The following WRN variants were observed in gnomAD, a reference collection of about 807,000 sequenced individuals.
WRN encodes WRN RecQ like helicase.
Under a neutral mutation model 180.7 loss-of-function variants are expected in WRN, and 149 were observed. The ratio of observed to expected loss-of-function variants is 0.82; its 90% CI spans 0.72 to 0.94. WRN has a LOEUF of 0.94. Ranked by LOEUF, WRN falls within the 40% of genes least tolerant of loss-of-function variation. The pLI, the probability that WRN is intolerant of heterozygous loss-of-function variation, is 0.00. For missense variants in WRN, 1,661 were observed against 1,700.1 expected (o/e 0.98, Z 0.40); for synonymous variants, 548 against 568.9 (o/e 0.96, Z 0.52).
At chr8:31,106,117 A>C (rs1019569540) in intron 18 of WRN, among the ~76,000 whole-genome samples, 1 of 152,014 alleles carries the variant, frequency 6.6e-6, no homozygotes, top group African/African-American at 2.4e-5. Flanking sequence ...AATTTTCCTC[A>C]ATCTTTTCTC....
At chr8:31,138,128 C>T (rs530443580) in intron 24 of WRN, among the ~76,000 whole-genome samples, 1 of 152,012 alleles carries the variant, frequency 6.6e-6, no homozygotes, top group Admixed American at 6.6e-5. Context: ...AACTAGTTAT[C>T]TGGAGGCCTG....
intron 1 of WRN, among the ~76,000 whole-genome samples, chr8:31,035,055 C>A (rs935458645): frequency 3.1e-4 from 47 of 152,070 alleles, no homozygotes; most frequent in African/African-American, 9.2e-4. Context: ...ATTTTATTTT[C>A]TTTTATTTTT....
At chr8:31,159,115 A>G (rs968278727) in intron 33 of WRN, among the ~76,000 whole-genome samples, 1 of 151,920 alleles carries the variant, frequency 6.6e-6, no homozygotes, top group African/African-American at 2.4e-5. Context: ...CCTGAGCAAC[A>G]TAGTGTGACC....
chr8:31,043,641 G>GA (rs1338079053), intron 1 of WRN, among the ~76,000 whole-genome samples: 1 of 151,986 alleles, frequency 6.6e-6, no homozygotes, highest in Non-Finnish European at 1.5e-5. Context: ...ACTCCAATTT[G>GA]AAAAAATATA....
chr8:31,101,596 G>C (rs1800860094), intron 18 of WRN, among the ~76,000 whole-genome samples: 1 of 151,958 alleles, frequency 6.6e-6, no homozygotes, highest in African/African-American at 2.4e-5. Flanking sequence ...AGACCAGCCT[G>C]GTCAACATGG....
chr8:31,108,944 C>G (rs772959107), intron 18 of WRN, among the ~76,000 whole-genome samples: 1 of 152,192 alleles, frequency 6.6e-6, no homozygotes, highest in East Asian at 1.9e-4. Context: ...TGAGTTGCCT[C>G]CAGTCTTTGG....
intron 7 of WRN, among the ~76,000 whole-genome samples, chr8:31,069,750 G>A (rs1812837736): frequency 6.6e-6 from 1 of 152,142 alleles, no homozygotes; most frequent in South Asian, 2.1e-4. Flanking sequence ...TTAATTAACT[G>A]AGGCAGGTGA....
chr8:31,060,037 C>CA (rs1379420893), intron 3 of WRN, among the ~76,000 whole-genome samples: 1 of 150,800 alleles, frequency 6.6e-6, no homozygotes, highest in African/African-American at 2.4e-5. Flanking sequence ...GCCTGGGCGA[C>CA]AGAGTGAGGC....
intron 1 of WRN, among the ~76,000 whole-genome samples, chr8:31,046,394 A>G (rs1334394648): frequency 1.3e-5 from 2 of 152,110 alleles, no homozygotes; most frequent in Non-Finnish European, 2.9e-5. Context: ...CTTTCCTTTG[A>G]TAAAATGCTT....
intron 18 of WRN, among the ~76,000 whole-genome samples, chr8:31,107,953 AGAAT>A (rs1801160448): frequency 6.6e-6 from 1 of 152,252 alleles, no homozygotes; most frequent in Non-Finnish European, 1.5e-5. Flanking sequence ...GTAACTATTT[AGAAT>A]GAGTGCATGA....
At chr8:31,078,903 A>G (rs941457765) in intron 8 of WRN, among the ~76,000 whole-genome samples, 3 of 152,228 alleles carry the variant, frequency 2.0e-5, no homozygotes, top group African/African-American at 7.2e-5. Context: ...CCCTGATGTC[A>G]GGGCCTGATA....
In WRN at chr8:31,076,290, T is replaced by C. The variant is rs368367429; in HGVS notation, c.839+3T>C. On this transcript the variant is annotated splice_donor_region_variant and intron_variant, in intron 8 of 34. Transcript: ENST00000298139. The stretch of plus-strand genomic sequence containing the variant: ...AGTAAATTGGAAAACCCACGGAGGT[T>C]AAATATTACCTTTTTTTTTTTTAAC... 226 of 1,606,170 alleles carry C rather than the reference T, an allele frequency of 1.4e-4. No homozygotes were observed. Among genetic ancestry groups the C allele is most frequent in the Non-Finnish European group, 1.7e-4 (201 of 1,173,514 alleles).
In WRN at chr8:31,173,043, G is replaced by A. The variant is rs747685773; in HGVS notation, c.4240G>A (p.Gly1414Arg). Residue 1414 changes from glycine (G) to arginine (R), a missense_variant, in exon 35 of 35, where the codon GGA (glycine) becomes AGA (arginine). By Grantham distance (125) the Gly-to-Arg change is moderately radical. Around this residue, in one of 3 missense-constraint regions of WRN, gnomAD observed 1,141 missense variants for 1,149.4 expected, o/e 0.99. Transcript: ENST00000298139. Reference protein sequence around the residue: ...KRRLPVWFAKGSDTSKKLMDK... With the variant: ...KRRLPVWFAKRSDTSKKLMDK... ...ACGATTACCTGTGTGGTTTGCCAAAGGAAGTGATACCAGCAAGAAATTAAT... is the reference window on the plus strand; with the variant it reads ...ACGATTACCTGTGTGGTTTGCCAAAAGAAGTGATACCAGCAAGAAATTAAT... The A allele has an allele frequency of 1.2e-6, 2 of 1,614,026 alleles. No individual in the cohort carries two copies. The highest frequency in any genetic ancestry group is 1.7e-5 in the Admixed American group (1 of 60,018).
intron 24 of WRN, among the ~76,000 whole-genome samples, chr8:31,138,906 CT>C: frequency 6.6e-6 from 1 of 152,258 alleles, no homozygotes. Context: ...TCCTAGCTTC[CT>C]TTTTGTGAAA....
At chr8:31,115,995 A>T (rs1375079265) in intron 19 of WRN, among the ~76,000 whole-genome samples, 2 of 152,178 alleles carry the variant, frequency 1.3e-5, no homozygotes, top group African/African-American at 2.4e-5. Flanking sequence ...GTAAACCCTC[A>T]CCAGACTAAT....
chr8:31,043,581 TC>T (rs1350053588), intron 1 of WRN, among the ~76,000 whole-genome samples: 2 of 146,742 alleles, frequency 1.4e-5, no homozygotes, highest in African/African-American at 5.5e-5. Flanking sequence ...CTCTTTTTCC[TC>T]CTCCTATGCT....
chr8:31,169,372 G>A (rs151332435), intron 34 of WRN, among the ~76,000 whole-genome samples: 35 of 151,736 alleles, frequency 2.3e-4, no homozygotes, highest in African/African-American at 8.0e-4. Flanking sequence ...TACCAAAGGA[G>A]CAACACTATT....
chr8:31,081,659 A>G (rs1233871259), intron 9 of WRN, among the ~76,000 whole-genome samples: 5 of 152,042 alleles, frequency 3.3e-5, no homozygotes, highest in Non-Finnish European at 7.4e-5. Flanking sequence ...TTCATAATAG[A>G]TGTCTCTGCT....
chr8:31,157,005 T>C (rs1803409636), intron 32 of WRN, among the ~76,000 whole-genome samples: 1 of 152,184 alleles, frequency 6.6e-6, no homozygotes, highest in African/African-American at 2.4e-5. Flanking sequence ...TATATAGTAT[T>C]GGGTTACAGT....
Sources: allele counts gnomAD v4.1 joint callset (sites outside exome capture counted in the v4.1 genomes callset), GRCh38; gene constraint gnomAD v4.1.1; regional missense constraint gnomAD v4.1.1; transcripts MANE v1.5; gene names NCBI Gene and HGNC (gene_info 2026-07-23, HGNC 2026-07-21).